DIP2C: variants seen among roughly 807,000 people sequenced by gnomAD.
DIP2C encodes disco-interacting protein 2 homolog C.
DIP2C carries 33 observed loss-of-function variants against 192.4 expected under a neutral mutation model. That is an observed-to-expected ratio of 0.17 (90% confidence interval 0.13 to 0.23). The LOEUF is 0.23. Ranked by LOEUF, DIP2C falls within the 10% of genes least tolerant of loss-of-function variation. DIP2C has a pLI of 1.00. For missense variants in DIP2C, 1,537 were observed against 2,110.1 expected, an observed-to-expected ratio of 0.73 and a Z score of 5.32; for synonymous variants, 979 against 864.1, an observed-to-expected ratio of 1.13 and a Z score of -2.33.
At chr10:367,271 G>A (rs1404167298) in intron 18 of DIP2C, among the ~76,000 whole-genome samples, 1 of 152,102 alleles carries the variant, frequency 6.6e-6, no homozygotes, top group Admixed American at 6.6e-5. Context: ...CAAAAAAGTA[G>A]CCGGGCGCAG....
At chr10:602,464 G>C (rs1852150742) in intron 1 of DIP2C, among the ~76,000 whole-genome samples, 1 of 152,220 alleles carries the variant, frequency 6.6e-6, no homozygotes, top group African/African-American at 2.4e-5. Context: ...TAAAAGGTGT[G>C]GCCTTTGGGA....
intron 1 of DIP2C, among the ~76,000 whole-genome samples, chr10:672,424 C>T (rs1369583417): frequency 6.6e-6 from 1 of 152,230 alleles, no homozygotes; most frequent in Non-Finnish European, 1.5e-5. Flanking sequence ...AGGGACTCCC[C>T]GCCCCAGAGC....
chr10:460,617 G>A (rs1177786295), intron 3 of DIP2C, among the ~76,000 whole-genome samples: 3 of 152,150 alleles, frequency 2.0e-5, no homozygotes, highest in Non-Finnish European at 2.9e-5. Flanking sequence ...AATGGAACAA[G>A]TTGGAAAACA....
At chr10:492,102 A>C (rs994152027) in intron 1 of DIP2C, among the ~76,000 whole-genome samples, 1 of 152,136 alleles carries the variant, frequency 6.6e-6, no homozygotes, top group African/African-American at 2.4e-5. Flanking sequence ...CTCTGATGTC[A>C]ACCACCATCT....
chr10:552,345 C>A (rs1235955068), intron 1 of DIP2C, among the ~76,000 whole-genome samples: 1 of 152,206 alleles, frequency 6.6e-6, no homozygotes, highest in African/African-American at 2.4e-5. Context: ...ATTTCAGGAA[C>A]GGTGCTTGCT....
At chr10:374,104 G>A (rs997910612) in intron 17 of DIP2C, among the ~76,000 whole-genome samples, 2 of 152,188 alleles carry the variant, frequency 1.3e-5, no homozygotes, top group African/African-American at 4.8e-5. Context: ...CCATGTGTCT[G>A]TGTGTGGGTG....
intron 11 of DIP2C, 85 bp downstream of exon 11, chr10:390,655 A>T: frequency 6.5e-7 from 1 of 1,547,992 alleles, no homozygotes; most frequent in South Asian, 1.3e-5. Context: ...CAGAGGATTG[A>T]AACCGAGGCG....
chr10:407,073 C>A (rs950382618), intron 9 of DIP2C, among the ~76,000 whole-genome samples: 1 of 152,168 alleles, frequency 6.6e-6, no homozygotes, highest in Non-Finnish European at 1.5e-5. Context: ...TTGGGGAGAC[C>A]GATTTGAGAA....
At chr10:341,162 A>G (rs1379347510) in intron 29 of DIP2C, 37 bp downstream of exon 29, 5 of 1,612,092 alleles carry the variant, frequency 3.1e-6, no homozygotes, top group Non-Finnish European at 4.2e-6. Flanking sequence ...AAGGTGCATG[A>G]TTTTTTTTAA....
intron 2 of DIP2C, among the ~76,000 whole-genome samples, chr10:482,478 G>A (rs137899224): frequency 3.3e-4 from 50 of 152,312 alleles, no homozygotes; most frequent in African/African-American, 1.0e-3. Context: ...GAGAGAGGCT[G>A]TGCCGCACAG....
At chr10:649,893 G>T (rs956453945) in intron 1 of DIP2C, 31 of 563,322 alleles carry the variant, frequency 5.5e-5, no homozygotes, top group Admixed American at 2.0e-4. Context: ...GTCCCCTTGT[G>T]GGGGGGTGCC....
intron 36 of DIP2C, among the ~76,000 whole-genome samples, chr10:278,102 G>A (rs549297197): frequency 2.0e-5 from 3 of 151,484 alleles, no homozygotes; most frequent in East Asian, 2.0e-4. Context: ...AGGGCCATGC[G>A]TGTGGACGCC....
At chr10:437,285 G>A (rs1230184165) in intron 4 of DIP2C, among the ~76,000 whole-genome samples, 2 of 147,770 alleles carry the variant, frequency 1.4e-5, no homozygotes, top group Non-Finnish European at 3.0e-5. Flanking sequence ...GACATGGTAG[G>A]GTGATATGCT....
intron 1 of DIP2C, among the ~76,000 whole-genome samples, chr10:493,454 G>A (rs578197676): frequency 6.6e-6 from 1 of 152,198 alleles, no homozygotes; most frequent in Non-Finnish European, 1.5e-5. Flanking sequence ...GTGTTGGGGG[G>A]AGCGAGAAGG....
chr10:648,147 C>A (rs1288479007), intron 1 of DIP2C, among the ~76,000 whole-genome samples: 2 of 150,514 alleles, frequency 1.3e-5, no homozygotes, highest in Non-Finnish European at 3.0e-5. Context: ...GAAACTGAGT[C>A]CACGTCCACA....
intron 19 of DIP2C, among the ~76,000 whole-genome samples, chr10:365,849 G>T (rs1960122492): frequency 1.3e-5 from 2 of 152,184 alleles, no homozygotes; most frequent in African/African-American, 4.8e-5. Context: ...TCTAGCCCAG[G>T]CCGAGGAGCC....
chr10:399,449 CCTTT>C (rs1207199101), intron 9 of DIP2C, among the ~76,000 whole-genome samples: 37 of 152,324 alleles, frequency 2.4e-4, no homozygotes, highest in African/African-American at 8.4e-4. Flanking sequence ...AGTACAACTG[CCTTT>C]ATTTTCTGCA....
At chr10:606,545 C>T (rs34528118) in intron 1 of DIP2C, among the ~76,000 whole-genome samples, 160 of 104,970 alleles carry the variant, frequency 1.5e-3, no homozygotes, top group Non-Finnish European at 1.9e-3. Context: ...TGCTGTGATC[C>T]GAATTCTCAT....
intron 1 of DIP2C, among the ~76,000 whole-genome samples, chr10:670,903 G>A (rs1830603057): frequency 6.6e-6 from 1 of 152,298 alleles, no homozygotes; most frequent in South Asian, 2.1e-4. Flanking sequence ...CAGGGTATAT[G>A]AAGTAAACAT....
Sources: allele counts gnomAD v4.1 joint callset (sites outside exome capture counted in the v4.1 genomes callset), GRCh38; gene constraint gnomAD v4.1.1; transcripts MANE v1.5; gene names NCBI Gene and HGNC (gene_info 2026-07-23, HGNC 2026-07-21).